Variants in LRRC4C observed in about 807,000 individuals in gnomAD.
LRRC4C encodes the protein leucine rich repeat containing 4C, also known as leucine-rich repeat-containing protein 4C.
A neutral mutation model predicts 33.6 loss-of-function variants in LRRC4C; 5 were observed. The observed-to-expected ratio is 0.15, with a 90% CI of 0.08 to 0.31. The LOEUF (loss-of-function observed/expected upper bound fraction) is 0.31, where lower values mean the gene tolerates loss of function less well. Among genes scored for constraint, LRRC4C ranks in the 10% least tolerant of loss-of-function variants. The probability of loss-of-function intolerance (pLI) is 1.00; values close to 1 mark genes in which losing one functional copy is unlikely to be tolerated. For missense variants in LRRC4C, 560 were observed against 796.7 expected, an observed-to-expected ratio of 0.70 and a Z score of 3.58; for synonymous variants, 329 against 302.0, an observed-to-expected ratio of 1.09 and a Z score of -0.93.
At position 40,777,935 on chromosome 11, in the gene LRRC4C, G is replaced by A. The variant is rs1003130124; in HGVS notation, c.-406-129657C>T. 1.1e-4 allele frequency among the ~76,000 whole-genome samples: 16 copies of A among 152,046 alleles called. 1 individual carries two copies. The highest frequency in any genetic ancestry group is 8.3e-4 in the South Asian group (4 of 4,814). ...GATCTCCTGATCTCGTGATCCACCC[G>A]CCTCGGCCTCCCAAAGTGCTGGGAT... On this transcript the variant is annotated intron_variant, in intron 2 of 6. Transcript: ENST00000528697.
intron 2 of LRRC4C, among the ~76,000 whole-genome samples, chr11:40,725,978 C>T (rs77801491): frequency 0.016 from 2,508 of 152,172 alleles, 65 homozygotes; most frequent in African/African-American, 0.057. Flanking sequence ...TACAACAAAT[C>T]CCACAATAGA....
intron 3 of LRRC4C, among the ~76,000 whole-genome samples, chr11:40,521,591 C>T (rs548412082): frequency 6.6e-6 from 1 of 152,190 alleles, no homozygotes; most frequent in South Asian, 2.1e-4. Flanking sequence ...GAAAAATAGG[C>T]CAGGCGCGGT....
At chr11:40,931,654 G>GGT (rs571620765) in intron 2 of LRRC4C, among the ~76,000 whole-genome samples, 9,013 of 151,758 alleles carry the variant, frequency 0.059, 364 homozygotes, top group Admixed American at 0.14. Flanking sequence ...AGGATAAAGG[G>GGT]GTGTGTATGT....
chr11:40,866,351 T>C (rs1954370147), intron 2 of LRRC4C, among the ~76,000 whole-genome samples: 2 of 152,044 alleles, frequency 1.3e-5, no homozygotes, highest in South Asian at 4.1e-4. Flanking sequence ...TCTACAAAGT[T>C]GGATAAATGT....
chr11:41,001,862 CATT>C, intron 1 of LRRC4C, among the ~76,000 whole-genome samples: 1 of 92,016 alleles, frequency 1.1e-5, no homozygotes, highest in East Asian at 3.4e-4. Flanking sequence ...TGGTCTGTGA[CATT>C]TTTTTTTTTT....
chr11:40,969,329 T>C (rs972195808), intron 1 of LRRC4C, among the ~76,000 whole-genome samples: 1 of 152,138 alleles, frequency 6.6e-6, no homozygotes, highest in African/African-American at 2.4e-5. Context: ...GTACTCCTGG[T>C]GAAGATGCTG....
rs77103990 is a variant in LRRC4C, at chr11:40,923,773, T to C, written c.-407+9862A>G. On this transcript the variant is annotated intron_variant, in intron 2 of 6. Transcript: ENST00000528697. ...ATGTCCTTGGCTGAATAGACAATAA[T>C]AGTGAGAAAATTGTTATAGGAGACA... 8.4e-3 allele frequency among the ~76,000 whole-genome samples: 1,281 copies of C among 152,240 alleles called. 27 individuals are homozygous for C. The highest frequency in any genetic ancestry group is 0.029 in the African/African-American group (1,199 of 41,552).
At chr11:40,726,935 T>TA (rs1343969378) in intron 2 of LRRC4C, among the ~76,000 whole-genome samples, 2 of 152,230 alleles carry the variant, frequency 1.3e-5, no homozygotes, top group African/African-American at 4.8e-5. Context: ...AATAAACAAA[T>TA]ATCAGTAGCC....
chr11:40,695,340 G>A (rs1463008442), intron 2 of LRRC4C, among the ~76,000 whole-genome samples: 1 of 152,030 alleles, frequency 6.6e-6, no homozygotes, highest in Non-Finnish European at 1.5e-5. Flanking sequence ...TTTTATTTGT[G>A]TATTATCTTT....
At chr11:41,163,025 T>C (rs973590916) in intron 1 of LRRC4C, among the ~76,000 whole-genome samples, 4 of 152,142 alleles carry the variant, frequency 2.6e-5, no homozygotes, top group Non-Finnish European at 5.9e-5. Flanking sequence ...GTTTCTCCCA[T>C]ACTGTTCTTG....
chr11:40,813,832 G>A (rs1951593628), intron 2 of LRRC4C, among the ~76,000 whole-genome samples: 1 of 152,190 alleles, frequency 6.6e-6, no homozygotes, highest in African/African-American at 2.4e-5. Context: ...AAATAGGACA[G>A]TCATTAAACC....
intron 2 of LRRC4C, among the ~76,000 whole-genome samples, chr11:40,932,336 A>G (rs10128714): frequency 0.27 from 41,081 of 152,040 alleles, 5,787 homozygotes; most frequent in East Asian, 0.34. Flanking sequence ...TCCTTCTTCT[A>G]TGGAATTTAC....
chr11:41,126,228 T>G (rs933993877), intron 1 of LRRC4C, among the ~76,000 whole-genome samples: 1 of 152,178 alleles, frequency 6.6e-6, no homozygotes, highest in African/African-American at 2.4e-5. Flanking sequence ...TGTCATTTTT[T>G]AAGTCTTTCC....
rs368285628 is a variant in LRRC4C, at chr11:40,937,820, GTTGT to G, written c.-495-4101_-495-4098del. Reference sequence around the variant, plus strand: ...CCATGCCCAGCTTTTTGTTGTTGTTGTTGTTTGTTTGTTTGTTTGTAGAGACAGG... The same window carrying G: ...CCATGCCCAGCTTTTTGTTGTTGTTGTTGTTTGTTTGTTTGTAGAGACAGG... On this transcript the variant is annotated intron_variant, in intron 1 of 6. Transcript: ENST00000528697. 4.7e-4 allele frequency among the ~76,000 whole-genome samples: 72 copies of G among 151,950 alleles called. No homozygotes were observed. In the East Asian group the frequency reaches 6.2e-3, roughly 13 times the overall value.
rs1456325870 is a variant in LRRC4C at position 41,163,298 on chromosome 11, T to TTTTTTTTTTTTTTC, written c.-495-229576_-495-229575insGAAAAAAAAAAAAA. 3.0e-5 allele frequency among the ~76,000 whole-genome samples: 4 copies of TTTTTTTTTTTTTTC among 132,952 alleles called. 1 individual carries two copies. Among genetic ancestry groups the TTTTTTTTTTTTTTC allele is most frequent in the Non-Finnish European group, 6.4e-5 (4 of 62,022 alleles). The allele number at this position is 132,952 out of a possible 152,430, so 87.2% of individuals were successfully genotyped here. A position where few individuals can be genotyped will look rare whatever the true frequency, so the allele number is the denominator to read the frequency against. On this transcript the variant is annotated intron_variant, in intron 1 of 6. Transcript: ENST00000528697. ...TTACTGTAACTGTTTTTTTTTTTTTTTTTCAAACAGGGTCTTGCTCTGTCA... is the reference window on the plus strand; with the variant it reads ...TTACTGTAACTGTTTTTTTTTTTTTTTTTTTTTTTTTTTCTTTCAAACAGGGTCTTGCTCTGTCA...
Position 40,956,065 on chromosome 11 carries a change from G to T in LRRC4C, c.-495-22342C>A, listed in dbSNP as rs528658848. On this transcript the variant is annotated intron_variant, in intron 1 of 6. Transcript: ENST00000528697. ...TACTCCTGTTAGCTTTACTTACAAAGGGCCATATTGTAGATGAGAAAGCGA... is the reference window on the plus strand; with the variant it reads ...TACTCCTGTTAGCTTTACTTACAAATGGCCATATTGTAGATGAGAAAGCGA... 1.5e-3 allele frequency among the ~76,000 whole-genome samples: 226 copies of T among 151,860 alleles called. 2 individuals are homozygous for T. Among genetic ancestry groups the T allele is most frequent in the African/African-American group, 5.4e-3 (222 of 41,482 alleles).
intron 3 of LRRC4C, among the ~76,000 whole-genome samples, chr11:40,617,376 T>C (rs1211983370): frequency 1.3e-5 from 2 of 151,630 alleles, no homozygotes; most frequent in Non-Finnish European, 3.0e-5. Flanking sequence ...AGATCTGAAA[T>C]TTGTTCAAAT....
chr11:40,453,981 A>G (rs1177459301), intron 3 of LRRC4C, among the ~76,000 whole-genome samples: 2 of 152,164 alleles, frequency 1.3e-5, no homozygotes, highest in Non-Finnish European at 2.9e-5. Flanking sequence ...TAAAAATAGT[A>G]TAGCTACAAA....
At chr11:41,220,572 G>A (rs536543105) in intron 1 of LRRC4C, among the ~76,000 whole-genome samples, 59 of 144,558 alleles carry the variant, frequency 4.1e-4, no homozygotes, top group African/African-American at 1.4e-3. Flanking sequence ...AATTCTACAC[G>A]TCTGAAAGTA....
Sources: gnomAD v4.1 joint callset for allele counts (sites outside exome capture counted in the v4.1 genomes callset) on GRCh38, gnomAD v4.1.1 for gene constraint, MANE v1.5 for transcripts, NCBI Gene and HGNC (gene_info 2026-07-23, HGNC 2026-07-21) for gene names.